The following KLRB1 variants were observed in gnomAD, a reference collection of about 807,000 sequenced individuals.
KLRB1 encodes the protein killer cell lectin like receptor B1.
Under a neutral mutation model 33.5 loss-of-function variants are expected in KLRB1, and 27 were observed. The ratio of observed to expected loss-of-function variants is 0.81; its 90% CI spans 0.59 to 1.11. The LOEUF (loss-of-function observed/expected upper bound fraction) is 1.11. KLRB1 is among the 50% of genes most tolerant of loss of function. The pLI, the probability that KLRB1 is intolerant of heterozygous loss-of-function variation, is 0.00. For missense variants in KLRB1, 241 were observed against 254.1 expected, an observed-to-expected ratio of 0.95 and a Z score of 0.35; for synonymous variants, 64 against 88.9, an observed-to-expected ratio of 0.72 and a Z score of 1.58.
At chr12:9,607,212 TTTCCTTCC>T (rs760188939) in intron 1 of KLRB1, among the ~76,000 whole-genome samples, 1 of 151,806 alleles carries the variant, frequency 6.6e-6, no homozygotes, top group Non-Finnish European at 1.5e-5. Context: ...GTAAAATATT[TTTCCTTCC>T]TTCCTTCCAT....
chr12:9,598,268 C>G, intron 4 of KLRB1, 107 bp from the exon 5 acceptor site: 1 of 795,020 alleles, frequency 1.3e-6, no homozygotes, highest in South Asian at 1.6e-5. Flanking sequence ...CCTAACTCGT[C>G]GTCAGCATTA....
intron 1 of KLRB1, among the ~76,000 whole-genome samples, chr12:9,603,278 C>T (rs1301647503): frequency 1.3e-5 from 2 of 152,136 alleles, no homozygotes; most frequent in Non-Finnish European, 2.9e-5. Flanking sequence ...ACAGCACTGG[C>T]ATGGCTTTCC....
chr12:9,595,229 A>C lies in KLRB1; in HGVS notation c.*45T>G. On this transcript the variant is annotated 3_prime_UTR_variant, in exon 6 of 6. Coordinates refer to ENST00000229402, the MANE Select transcript of KLRB1 (RefSeq NM_002258.3). The stretch of plus-strand genomic sequence containing the variant: ...CAATAGTATGTGCAGCTACAAGTAC[A>C]GAGATCAGTAATGGGAAGCAAATAA... 1.4e-5 allele frequency: 22 copies of C among 1,562,474 alleles called. No homozygotes were observed. The highest frequency in any genetic ancestry group is 1.7e-5 in the Non-Finnish European group (19 of 1,134,498).
In KLRB1 at chr12:9,595,166, C is replaced by T. The variant is rs1333246568; in HGVS notation, c.*108G>A. The T allele has an allele frequency of 1.0e-5, 9 of 863,414 alleles. No homozygotes were observed. Among genetic ancestry groups the T allele is most frequent in the East Asian group, 2.5e-5 (1 of 40,584 alleles). 53.5% of individuals were successfully genotyped at this position (863,414 alleles called of 1,614,324 possible). The stretch of plus-strand genomic sequence containing the variant: ...ACAGTTGTCAATTCTCAGAATTGTT[C>T]ACTTTGTGCCACTAAATGTGGCACT... On this transcript the variant is annotated 3_prime_UTR_variant, in exon 6 of 6. Coordinates refer to ENST00000229402, the MANE Select transcript of KLRB1 (RefSeq NM_002258.3).
At chr12:9,605,476 A>G (rs1324538328) in intron 1 of KLRB1, among the ~76,000 whole-genome samples, 2 of 152,188 alleles carry the variant, frequency 1.3e-5, no homozygotes, top group South Asian at 2.1e-4. Context: ...AATTTTCTCT[A>G]TTTTGTTCAC....
At chr12:9,606,463 A>C (rs1463871407) in intron 1 of KLRB1, 1 of 151,908 alleles carries the variant, frequency 6.6e-6, no homozygotes, top group Non-Finnish European at 1.5e-5. Flanking sequence ...AATGGTAAGT[A>C]GGTTCGTTAC....
At chr12:9,599,923 CTA>C in intron 2 of KLRB1, 82 bp from the exon 3 acceptor site, 1 of 763,014 alleles carries the variant, frequency 1.3e-6, no homozygotes, top group Non-Finnish European at 2.3e-6. Context: ...CTTTAGGAAA[CTA>C]GATAATCTCA....
intron 1 of KLRB1, among the ~76,000 whole-genome samples, chr12:9,602,236 C>T (rs998517969): frequency 6.6e-6 from 1 of 152,180 alleles, no homozygotes; most frequent in Non-Finnish European, 1.5e-5. Context: ...TCTACAACAT[C>T]GCATAGTCTA....
intron 3 of KLRB1, among the ~76,000 whole-genome samples, chr12:9,599,359 T>A (rs897282288): frequency 1.3e-5 from 2 of 152,214 alleles, no homozygotes; most frequent in African/African-American, 4.8e-5. Flanking sequence ...TGTGGCTGCA[T>A]GGTGAGGAAA....
At chr12:9,597,971 A>C (rs765825204) in intron 5 of KLRB1, 75 bp downstream of exon 5, 2 of 702,350 alleles carry the variant, frequency 2.8e-6, no homozygotes, top group East Asian at 5.9e-5. Context: ...TACAAAACTC[A>C]ATCTTCAGTG....
chr12:9,607,332 T>TTTCCTTTCTTTCTTTCTTCCTTCC (rs1414649904), intron 1 of KLRB1, among the ~76,000 whole-genome samples: 1 of 58,620 alleles, frequency 1.7e-5, no homozygotes, highest in African/African-American at 4.6e-5. Context: ...TTTCTCTTTC[T>TTTCCTTTCTTTCTTTCTTCCTTCC]TTCCTTTCTT....
intron 1 of KLRB1, among the ~76,000 whole-genome samples, chr12:9,606,138 A>G (rs1864596290): frequency 6.6e-6 from 1 of 152,230 alleles, no homozygotes; most frequent in African/African-American, 2.4e-5. Flanking sequence ...TCTTGACTTA[A>G]AACTTTGAGA....
intron 1 of KLRB1, 169 bp downstream of exon 1, chr12:9,607,586 T>G (rs1482671549): frequency 2.3e-5 from 13 of 560,928 alleles, no homozygotes; most frequent in Non-Finnish European, 4.2e-5. Context: ...GGTTTAAATT[T>G]TTTTTCCCAA....
At chr12:9,599,690 G>T in intron 3 of KLRB1, 77 bp downstream of exon 3, 1 of 891,592 alleles carries the variant, frequency 1.1e-6, no homozygotes, top group Non-Finnish European at 1.9e-6. Context: ...GGATTGTTAT[G>T]AATTGTGCCT....
intron 2 of KLRB1, among the ~76,000 whole-genome samples, chr12:9,600,994 G>A (rs1159512883): frequency 1.4e-5 from 2 of 143,544 alleles, no homozygotes; most frequent in Non-Finnish European, 3.1e-5. Flanking sequence ...GGAATGTCTC[G>A]GTATAAAACC....
chr12:9,597,956 A>C, intron 5 of KLRB1, 90 bp downstream of exon 5: 1 of 667,966 alleles, frequency 1.5e-6, no homozygotes, highest in Non-Finnish European at 2.6e-6. Flanking sequence ...AAACCAAATT[A>C]AAACTACAAA....
intron 4 of KLRB1, 64 bp from the exon 5 acceptor site, chr12:9,598,225 T>TA: frequency 9.6e-7 from 1 of 1,044,972 alleles, no homozygotes; most frequent in Non-Finnish European, 1.5e-6. Context: ...CCCTAAAACC[T>TA]AGTTCAAGCA....
At chr12:9,598,476 A>C in intron 4 of KLRB1, 23 bp downstream of exon 4, 2 of 1,589,828 alleles carry the variant, frequency 1.3e-6, no homozygotes, top group Non-Finnish European at 1.7e-6. Context: ...AGTTTTATTA[A>C]GGTATTTTAT....
intron 2 of KLRB1, among the ~76,000 whole-genome samples, chr12:9,600,499 G>C (rs1305151104): frequency 2.6e-5 from 4 of 152,164 alleles, no homozygotes; most frequent in African/African-American, 9.7e-5. Context: ...GATTGTTACT[G>C]TGTCTGTGTA....
Sources: gnomAD v4.1 joint callset for allele counts (sites outside exome capture counted in the v4.1 genomes callset) on GRCh38, gnomAD v4.1.1 for gene constraint, MANE v1.5 for transcripts, NCBI Gene and HGNC (gene_info 2026-07-23, HGNC 2026-07-21) for gene names.